APLF: variants seen among roughly 807,000 people sequenced by gnomAD.
APLF encodes aprataxin and PNK-like factor.
Under a neutral mutation model 55.6 loss-of-function variants are expected in APLF, and 61 were observed. The observed-to-expected ratio is 1.10, with a 90% CI of 0.89 to 1.36. APLF has a LOEUF of 1.36. Ranked by LOEUF, APLF falls within the 40% of genes most tolerant of loss-of-function variation. The pLI, the probability that APLF is intolerant of heterozygous loss-of-function variation, is 0.00. For synonymous variants in APLF, 207 were observed against 214.8 expected (o/e 0.96, Z 0.32); for missense variants, 611 against 602.5 (o/e 1.01, Z -0.15).
intron 6 of APLF, among the ~76,000 whole-genome samples, chr2:68,531,968 T>TG (rs1670269817): frequency 1.3e-5 from 2 of 152,304 alleles, no homozygotes; most frequent in African/African-American, 4.8e-5. Context: ...CCCTTCCTTG[T>TG]GAGGAAGATT....
rs947071892 is a variant in APLF, at chr2:68,578,134, A to G, written c.*112A>G. ...AGTTATTTTCCTTCTTTTGATAGTT[A>G]ATGACTTTTACTACTGACTCTTTAC... On this transcript the variant is annotated 3_prime_UTR_variant, in exon 10 of 10. Coordinates refer to ENST00000303795, the MANE Select transcript of APLF (RefSeq NM_173545.3). The G allele has an allele frequency of 3.4e-6, 5 of 1,451,548 alleles. No homozygotes were observed. Among genetic ancestry groups the G allele is most frequent in the Non-Finnish European group, 4.5e-6 (5 of 1,106,920 alleles). 89.9% of individuals were successfully genotyped at this position (1,451,548 alleles called of 1,614,324 possible). A position where few individuals can be genotyped will look rare whatever the true frequency, so the allele number is the denominator to read the frequency against.
intron 7 of APLF, among the ~76,000 whole-genome samples, chr2:68,544,123 A>C (rs1304050774): frequency 2.0e-5 from 3 of 151,712 alleles, no homozygotes; most frequent in African/African-American, 4.8e-5. Flanking sequence ...CTGGGATTGC[A>C]GATGTGCGCC....
At chr2:68,474,809 T>C (rs1205109692) in intron 1 of APLF, among the ~76,000 whole-genome samples, 1 of 152,134 alleles carries the variant, frequency 6.6e-6, no homozygotes, top group Admixed American at 6.5e-5. Flanking sequence ...GCTGGAATTA[T>C]AGGCATGTGC....
chr2:68,538,118 C>T lies in APLF; in HGVS notation c.1051C>T (p.Pro351Ser). The change falls in exon 7 of 10, where the codon CCC becomes TCC. Residue 351 changes from proline to serine, a missense_variant. Pro to Ser is a moderately conservative substitution (Grantham distance 74). Transcript: ENST00000303795. ...GTCTCATTCTGAGTCCAGCTCTAAT[C>T]CCTCCAATCCTGAAACTTTGCATGC... Reference protein sequence around the residue: ...QGSHSESSSNPSNPETLHAKA... With the variant: ...QGSHSESSSNSSNPETLHAKA... The T allele has an allele frequency of 1.2e-6, 2 of 1,614,102 alleles. No homozygotes were observed. The highest frequency in any genetic ancestry group is 1.7e-6 in the Non-Finnish European group (2 of 1,179,992).
chr2:68,485,805 ATCTC>A (rs1558528300), intron 1 of APLF, among the ~76,000 whole-genome samples: 1 of 144,514 alleles, frequency 6.9e-6, no homozygotes, highest in Non-Finnish European at 1.5e-5. Context: ...CTTTTTTATT[ATCTC>A]TTTTTTTTTT....
rs371428982 is a variant in APLF at position 68,578,884 on chromosome 2, C to T, written c.*862C>T. 3.9e-5 allele frequency: 38 copies of T among 985,234 alleles called. 1 individual carries two copies. The African/African-American group carries it at 6.5e-4, about 17-fold the overall frequency. The allele number at this position is 985,234 out of a possible 1,614,324, so 61.0% of individuals were successfully genotyped here. ...CCAGTTGAAAGTTCAAGATTCTGGC[C>T]TCCCATATCAAGAAGAAACCACTTA... is the stretch of plus-strand genomic sequence containing the variant. On this transcript the variant is annotated 3_prime_UTR_variant, in exon 10 of 10. Coordinates refer to ENST00000303795, the MANE Select transcript of APLF (RefSeq NM_173545.3).
chr2:68,517,425 A>G (rs568495251), intron 5 of APLF, among the ~76,000 whole-genome samples: 2 of 132,552 alleles, frequency 1.5e-5, no homozygotes, highest in African/African-American at 5.9e-5. Context: ...ATTACTATAT[A>G]TTAATATATC....
In APLF at chr2:68,513,177, G is replaced by A; in HGVS notation, c.439G>A (p.Glu147Lys). 1 of 1,611,100 alleles carries A rather than the reference G, an allele frequency of 6.2e-7. No individual in the cohort carries two copies. The change falls in exon 4 of 10, where the codon GAA (glutamate) becomes AAA (lysine). Residue 147 changes from glutamate (E) to lysine (K), a missense_variant. Physicochemically the swap from Glu to Lys is moderately conservative, Grantham distance 56. Coordinates refer to ENST00000303795, the MANE Select transcript of APLF (RefSeq NM_173545.3). ...PHETTGASQL[E>K]GSTEIAKTQM... ...TGAGACTACTGGTGCCTCACAACTG[G>A]AAGGAAGCACAGAAATAGCCAAGAC...
chr2:68,517,224 AAATATATTAATATATGTCATTACTATAT>A (rs1177593860), intron 5 of APLF, among the ~76,000 whole-genome samples: 2,927 of 116,946 alleles, frequency 0.025, 306 homozygotes, highest in African/African-American at 0.052. Context: ...TGATATATAT[AAATATATTAATATATGTCATTACTATAT>A]AATATATTAA....
At chr2:68,493,156 G>A (rs896934288) in intron 2 of APLF, among the ~76,000 whole-genome samples, 5 of 152,162 alleles carry the variant, frequency 3.3e-5, no homozygotes, top group African/African-American at 1.2e-4. Context: ...TTGATGATCT[G>A]TCTTAACAAG....
intron 5 of APLF, among the ~76,000 whole-genome samples, chr2:68,517,986 C>A (rs559448497): frequency 7.5e-6 from 1 of 132,862 alleles, no homozygotes; most frequent in African/African-American, 3.1e-5. Flanking sequence ...TAATATATCA[C>A]TAATATGTGT....
intron 2 of APLF, among the ~76,000 whole-genome samples, chr2:68,492,242 G>A (rs1676392929): frequency 1.3e-5 from 2 of 151,764 alleles, no homozygotes; most frequent in Non-Finnish European, 2.9e-5. Context: ...ACTTTGGGAG[G>A]CCGGGGTGGG....
chr2:68,485,809 C>CT (rs1189243777), intron 1 of APLF, among the ~76,000 whole-genome samples: 3,558 of 129,174 alleles, frequency 0.028, 70 homozygotes, highest in Middle Eastern at 0.039. Flanking sequence ...TTTATTATCT[C>CT]TTTTTTTTTT....
chr2:68,576,276 G>A (rs1050203749), intron 9 of APLF, among the ~76,000 whole-genome samples: 9 of 151,948 alleles, frequency 5.9e-5, no homozygotes, highest in South Asian at 4.2e-4. Flanking sequence ...TCCCTTTCCC[G>A]ACTGCAAACT....
chr2:68,496,840 A>G (rs987802607), intron 2 of APLF, among the ~76,000 whole-genome samples: 7 of 152,178 alleles, frequency 4.6e-5, no homozygotes, highest in Non-Finnish European at 7.4e-5. Flanking sequence ...CCATATCACT[A>G]TCAGCATTTT....
At chr2:68,510,880 G>A (rs971185003) in intron 3 of APLF, among the ~76,000 whole-genome samples, 1 of 151,764 alleles carries the variant, frequency 6.6e-6, no homozygotes, top group African/African-American at 2.4e-5. Context: ...TACAACACAG[G>A]TGAATCTTGA....
Position 68,579,975 on chromosome 2 carries a change from G to A in APLF, c.*1953G>A, listed in dbSNP as rs1246463377. ...ATTTCAATAAATCTGTCACAAAAAA[G>A]TAATGCAAAGGGTAATACCAGTCTT... On this transcript the variant is annotated 3_prime_UTR_variant, in exon 10 of 10. Transcript: ENST00000303795. 1.2e-6 allele frequency: 1 copy of A among 869,324 alleles called. No individual in the cohort carries two copies. Among genetic ancestry groups the A allele is most frequent in the African/African-American group, 1.8e-5 (1 of 54,730 alleles). The allele number at this position is 869,324 out of a possible 1,614,324, so 53.9% of individuals were successfully genotyped here.
At chr2:68,547,660 A>T (rs905047498) in intron 8 of APLF, among the ~76,000 whole-genome samples, 9 of 151,830 alleles carry the variant, frequency 5.9e-5, no homozygotes, top group Non-Finnish European at 1.2e-4. Context: ...AAAAAATAAA[A>T]TTTGACCCTT....
At chr2:68,507,948 T>C (rs1039215496) in intron 3 of APLF, among the ~76,000 whole-genome samples, 1 of 151,832 alleles carries the variant, frequency 6.6e-6, no homozygotes, top group Non-Finnish European at 1.5e-5. Flanking sequence ...ATTTTAATCA[T>C]TGATATTGAA....
Sources: allele counts gnomAD v4.1 joint callset (sites outside exome capture counted in the v4.1 genomes callset), GRCh38; gene constraint gnomAD v4.1.1; transcripts MANE v1.5; gene names NCBI Gene and HGNC (gene_info 2026-07-23, HGNC 2026-07-21).